FHOD3: variants seen among roughly 807,000 people sequenced by gnomAD.
FHOD3 encodes FH1/FH2 domain-containing protein 3.
FHOD3 carries 90 observed loss-of-function variants against 173.0 expected under a neutral mutation model. That is an observed-to-expected ratio of 0.52 (90% CI 0.44 to 0.62). The LOEUF (loss-of-function observed/expected upper bound fraction) is 0.62. FHOD3 is among the 20% of genes least tolerant of loss of function. The pLI is 0.00. For synonymous variants in FHOD3, 828 were observed against 823.0 expected, an observed-to-expected ratio of 1.01 and a Z score of -0.10; for missense variants, 1,945 against 2,034.7, an observed-to-expected ratio of 0.96 and a Z score of 0.85.
chr18:36,395,534 AATT>A (rs2048516125), intron 3 of FHOD3, among the ~76,000 whole-genome samples: 1 of 152,064 alleles, frequency 6.6e-6, no homozygotes, highest in Admixed American at 6.6e-5. Flanking sequence ...TTTTCATAAT[AATT>A]CTTTTTTTTC....
intron 3 of FHOD3, among the ~76,000 whole-genome samples, chr18:36,384,407 A>C (rs1315918254): frequency 6.6e-6 from 1 of 151,604 alleles, no homozygotes; most frequent in African/African-American, 2.4e-5. Flanking sequence ...AACACAAAAA[A>C]CACCTCACAC....
chr18:36,774,167 G>A (rs1045278298), intron 28 of FHOD3, among the ~76,000 whole-genome samples: 4 of 152,174 alleles, frequency 2.6e-5, no homozygotes, highest in Admixed American at 6.6e-5. Flanking sequence ...GTTGGTGTTC[G>A]CATTTTAACT....
intron 15 of FHOD3, among the ~76,000 whole-genome samples, chr18:36,686,878 G>A (rs1368814549): frequency 6.6e-6 from 1 of 152,138 alleles, no homozygotes; most frequent in South Asian, 2.1e-4. Flanking sequence ...CAAGTAATTA[G>A]TAGTGTTTCT....
chr18:36,619,833 G>A (rs536816338), intron 9 of FHOD3, among the ~76,000 whole-genome samples: 1 of 152,210 alleles, frequency 6.6e-6, no homozygotes, highest in Non-Finnish European at 1.5e-5. Context: ...CCAGAAAGAG[G>A]GGCAGCAGCA....
intron 1 of FHOD3, among the ~76,000 whole-genome samples, chr18:36,299,062 A>C (rs2848591): frequency 0.29 from 44,412 of 151,862 alleles, 7,597 homozygotes; most frequent in Non-Finnish European, 0.39. Flanking sequence ...TTAAAAAAAA[A>C]CCTCGGATTT....
In FHOD3 at chr18:36,718,735, T is replaced by C. The variant is rs1305882895; in HGVS notation, c.3417+20T>C. On this transcript the variant is annotated intron_variant, in intron 19 of 28. Coordinates refer to ENST00000590592, the MANE Select transcript of FHOD3 (RefSeq NM_001281740.3). ...TCAAAGGTACTGCTAGTCTTCAGCA[T>C]GCTTCTTGATTGGAAGTTGGGTAGG... 6.3e-7 allele frequency: 1 copy of C among 1,598,160 alleles called. No individual in the cohort carries two copies. The highest frequency in any genetic ancestry group is 2.2e-5 in the East Asian group (1 of 44,640).
At chr18:36,575,160 A>G (rs1408514306) in intron 5 of FHOD3, among the ~76,000 whole-genome samples, 1 of 152,014 alleles carries the variant, frequency 6.6e-6, no homozygotes, top group Admixed American at 6.6e-5. Context: ...TAGTAGAGAC[A>G]AGGTTTTGCC....
intron 13 of FHOD3, 57 bp from the exon 14 acceptor site, chr18:36,658,018 G>C: frequency 3.1e-6 from 4 of 1,288,984 alleles, no homozygotes; most frequent in Admixed American, 3.6e-5. Context: ...CTTATTTACT[G>C]ACTTGTACTT....
At chr18:36,441,106 TC>T (rs1369427554) in intron 3 of FHOD3, among the ~76,000 whole-genome samples, 1 of 152,178 alleles carries the variant, frequency 6.6e-6, no homozygotes, top group African/African-American at 2.4e-5. Flanking sequence ...GATAGTCTCT[TC>T]CTTTCTCTCT....
At position 36,389,160 on chromosome 18, in the gene FHOD3, A is replaced by G. The variant is rs545137973; in HGVS notation, c.337+16416A>G. 2.0e-5 allele frequency among the ~76,000 whole-genome samples: 3 copies of G among 152,326 alleles called. No homozygotes were observed. In the South Asian group the frequency reaches 6.2e-4, roughly 32 times the overall value. The stretch of plus-strand genomic sequence containing the variant: ...TGCTGCAGCTTTTATTTGCGAATAA[A>G]GATGCATTGATGCTTCAAAAAAAAA... On this transcript the variant is annotated intron_variant, in intron 3 of 28. Coordinates refer to ENST00000590592, the MANE Select transcript of FHOD3 (RefSeq NM_001281740.3).
intron 15 of FHOD3, among the ~76,000 whole-genome samples, chr18:36,682,470 T>G (rs1402282967): frequency 6.6e-6 from 1 of 152,198 alleles, no homozygotes; most frequent in Non-Finnish European, 1.5e-5. Context: ...CCTGTTTCCT[T>G]AGTTCAGTTT....
rs1007723441 is a variant in FHOD3, at chr18:36,437,084, TC to T, written c.337+64341del. 1.9e-3 allele frequency among the ~76,000 whole-genome samples: 294 copies of T among 152,332 alleles called. 3 individuals carry two copies. The highest frequency in any genetic ancestry group is 6.5e-3 in the African/African-American group (272 of 41,580). On this transcript the variant is annotated intron_variant, in intron 3 of 28. Coordinates refer to ENST00000590592, the MANE Select transcript of FHOD3 (RefSeq NM_001281740.3). ...TTGAATATTGGTATATGATGTTTTT[TC>T]TCATTGTATGAGTATTAGCTTTTTT...
chr18:36,572,701 C>T (rs561946820), intron 5 of FHOD3, among the ~76,000 whole-genome samples: 1 of 145,548 alleles, frequency 6.9e-6, no homozygotes, highest in South Asian at 2.2e-4. Flanking sequence ...TTCTTGGGCA[C>T]TTGGCCAGTA....
At chr18:36,356,318 T>G (rs1164051469) in intron 2 of FHOD3, among the ~76,000 whole-genome samples, 1 of 152,210 alleles carries the variant, frequency 6.6e-6, no homozygotes, top group Non-Finnish European at 1.5e-5. Flanking sequence ...GCTTAATACT[T>G]TTGCTGAATA....
intron 5 of FHOD3, among the ~76,000 whole-genome samples, chr18:36,555,843 TTAA>T (rs2057857944): frequency 6.6e-6 from 1 of 152,206 alleles, no homozygotes; most frequent in South Asian, 2.1e-4. Context: ...TTGCCTGGTA[TTAA>T]TACAGTCATT....
At chr18:36,316,875 C>T (rs957653917) in intron 1 of FHOD3, among the ~76,000 whole-genome samples, 3 of 151,328 alleles carry the variant, frequency 2.0e-5, no homozygotes, top group African/African-American at 4.9e-5. Flanking sequence ...CTCCCACAGC[C>T]CCCCCACCCC....
intron 1 of FHOD3, among the ~76,000 whole-genome samples, chr18:36,347,584 A>G (rs1476196086): frequency 6.6e-6 from 1 of 152,256 alleles, no homozygotes; most frequent in Non-Finnish European, 1.5e-5. Context: ...CTTTCAAAGT[A>G]AATACATTCA....
At chr18:36,654,616 A>G (rs2036286323) in intron 13 of FHOD3, among the ~76,000 whole-genome samples, 1 of 152,170 alleles carries the variant, frequency 6.6e-6, no homozygotes, top group Non-Finnish European at 1.5e-5. Flanking sequence ...AAGCGAGCTC[A>G]TACGCATCCC....
chr18:36,444,610 A>G (rs1307165484), intron 3 of FHOD3, among the ~76,000 whole-genome samples: 1 of 151,964 alleles, frequency 6.6e-6, no homozygotes, highest in Non-Finnish European at 1.5e-5. Flanking sequence ...TTTCTGGTTT[A>G]TCATTCTGTT....
Sources: allele counts gnomAD v4.1 joint callset (sites outside exome capture counted in the v4.1 genomes callset), GRCh38; gene constraint gnomAD v4.1.1; transcripts MANE v1.5; gene names NCBI Gene and HGNC (gene_info 2026-07-23, HGNC 2026-07-21).